Variants in CFAP251 observed in about 807,000 individuals in gnomAD.
CFAP251 encodes cilia- and flagella-associated protein 251.
Under a neutral mutation model 126.7 loss-of-function variants are expected in CFAP251, and 93 were observed. The observed-to-expected ratio is 0.73, with a 90% confidence interval of 0.62 to 0.87. The LOEUF (loss-of-function observed/expected upper bound fraction) is 0.87. Ranked by LOEUF, CFAP251 falls within the 40% of genes least tolerant of loss-of-function variation. The probability of loss-of-function intolerance (pLI) is 0.00; values close to 1 mark genes in which losing one functional copy is unlikely to be tolerated. For missense variants in CFAP251, 1,287 were observed against 1,389.2 expected (o/e 0.93, Z 1.17); for synonymous variants, 503 against 506.9 (o/e 0.99, Z 0.10).
intron 7 of CFAP251, among the ~76,000 whole-genome samples, chr12:121,946,440 A>C (rs933933332): frequency 1.3e-5 from 2 of 152,126 alleles, no homozygotes; most frequent in Admixed American, 1.3e-4. Context: ...AGCAGTTCAT[A>C]TCTTCAAGGA....
chr12:121,962,943 G>A (rs1293110284), intron 15 of CFAP251, among the ~76,000 whole-genome samples: 1 of 152,220 alleles, frequency 6.6e-6, no homozygotes, highest in Admixed American at 6.5e-5. Context: ...AATGGGCAAG[G>A]AGGGGGCATG....
At position 121,947,772 on chromosome 12, in the gene CFAP251, C is replaced by G. The variant is rs1881373822; in HGVS notation, c.1192-1212C>G. The stretch of plus-strand genomic sequence containing the variant: ...AATCAGAGCTTGAGGTCGTTTGAGG[C>G]TGATTTTCAGGCTTTGTGAAGTCTG... On this transcript the variant is annotated intron_variant, in intron 7 of 21. Transcript: ENST00000288912. The G allele has an allele frequency of 2.0e-5, 3 of 152,156 alleles. No individual in the cohort carries two copies. The South Asian group carries it at 6.2e-4, about 31-fold the overall frequency. The allele number at this position is 152,156 out of a possible 1,614,324, so 9.4% of individuals were successfully genotyped here.
At chr12:121,932,701 G>C (rs568796033) in intron 4 of CFAP251, 1 of 152,356 alleles carries the variant, frequency 6.6e-6, no homozygotes, top group South Asian at 2.1e-4. Context: ...ACACCACGAG[G>C]TATTTACCAA....
At chr12:121,977,189 C>T (rs1214732393) in intron 19 of CFAP251, among the ~76,000 whole-genome samples, 4 of 152,132 alleles carry the variant, frequency 2.6e-5, no homozygotes, top group African/African-American at 7.2e-5. Flanking sequence ...TGCGGCTGTA[C>T]TGCATATTGT....
intron 15 of CFAP251, among the ~76,000 whole-genome samples, chr12:121,964,569 T>G (rs867619434): frequency 2.0e-5 from 3 of 152,228 alleles, no homozygotes; most frequent in Admixed American, 6.5e-5. Context: ...TTAAAAATTT[T>G]TATCAAGGTG....
intron 3 of CFAP251, among the ~76,000 whole-genome samples, chr12:121,930,287 G>T (rs899487824): frequency 2.0e-5 from 3 of 152,138 alleles, no homozygotes; most frequent in African/African-American, 4.8e-5. Flanking sequence ...AAGAGATCAA[G>T]ATTATCCTGG....
intron 17 of CFAP251, chr12:121,971,771 T>C (rs1882335516): frequency 1.7e-6 from 1 of 596,932 alleles, no homozygotes. Flanking sequence ...GGTTTGGCTC[T>C]GTGTTCCTAC....
chr12:121,958,097 T>C (rs1433372609), intron 11 of CFAP251, among the ~76,000 whole-genome samples, 175 bp from the exon 12 acceptor site: 1 of 152,252 alleles, frequency 6.6e-6, no homozygotes, highest in Non-Finnish European at 1.5e-5. Flanking sequence ...GTGGGCTTTT[T>C]CACTTGCAAA....
At chr12:121,930,631 C>T (rs570509176) in intron 3 of CFAP251, among the ~76,000 whole-genome samples, 112 of 152,240 alleles carry the variant, frequency 7.4e-4, no homozygotes, top group Non-Finnish European at 1.1e-3. Flanking sequence ...TGGGTTTATT[C>T]CAGGCAATAC....
Position 121,963,232 on chromosome 12 carries a change from C to T in CFAP251, c.2492+1070C>T, listed in dbSNP as rs115350803. ...TTCTGGATATATCCTGCCGGCAAAG[C>T]GAACAGCGTTTGCTAATGGAGGGAA... On this transcript the variant is annotated intron_variant, in intron 15 of 21. Transcript: ENST00000288912. 4.6e-3 allele frequency among the ~76,000 whole-genome samples: 704 copies of T among 152,188 alleles called. 5 individuals carry two copies. The highest frequency in any genetic ancestry group is 0.015 in the African/African-American group (624 of 41,530).
chr12:121,936,520 A>G (rs1880900762), intron 5 of CFAP251, among the ~76,000 whole-genome samples: 1 of 150,196 alleles, frequency 6.7e-6, no homozygotes, highest in African/African-American at 2.5e-5. Flanking sequence ...ATAGTTTGCA[A>G]AGTGCTGGGC....
At chr12:121,963,020 C>T (rs1015694164) in intron 15 of CFAP251, among the ~76,000 whole-genome samples, 3 of 152,020 alleles carry the variant, frequency 2.0e-5, no homozygotes, top group African/African-American at 2.4e-5. Flanking sequence ...GGTTCCTTCC[C>T]GGGTAAGGCG....
intron 21 of CFAP251, among the ~76,000 whole-genome samples, chr12:122,002,414 C>T (rs1273015031): frequency 6.6e-6 from 1 of 152,070 alleles, no homozygotes; most frequent in Non-Finnish European, 1.5e-5. Flanking sequence ...GCGGTGTATG[C>T]TTTTAGTCCC....
chr12:121,991,438 T>A (rs1882872292), intron 19 of CFAP251, among the ~76,000 whole-genome samples: 1 of 152,226 alleles, frequency 6.6e-6, no homozygotes, highest in Non-Finnish European at 1.5e-5. Flanking sequence ...AGAGCAGCAG[T>A]ATTCAAAGTG....
At chr12:121,999,989 C>T (rs1875649175) in intron 20 of CFAP251, 45 bp downstream of exon 20, 1 of 1,542,754 alleles carries the variant, frequency 6.5e-7, no homozygotes, top group Non-Finnish European at 8.9e-7. Context: ...TGGGGCCATT[C>T]CCAGTGTAGA....
rs150994583 is a variant in CFAP251, at chr12:121,994,985, C to T, written c.3007-4731C>T. On this transcript the variant is annotated intron_variant, in intron 19 of 21. Transcript: ENST00000288912. ...AATAAATTAAAAAAAAAATAATAAT[C>T]ACAAGAATAATTACTGTCTGTTGAA... Among the ~76,000 whole-genome samples, 300 of 152,156 alleles carry T rather than the reference C, an allele frequency of 2.0e-3. 5 individuals carry two copies. The East Asian group carries it at 0.035, about 18-fold the overall frequency.
At position 121,923,737 on chromosome 12, in the gene CFAP251, G is replaced by T. The variant is rs772442398; in HGVS notation, c.494G>T (p.Ser165Ile). 4 of 1,614,064 alleles carry T rather than the reference G, an allele frequency of 2.5e-6. No homozygotes were observed. The change falls in exon 3 of 22, where the codon AGT becomes ATT. Residue 165 changes from serine (S) to isoleucine (I), a missense_variant. Physicochemically the swap from Ser to Ile is moderately radical, Grantham distance 142. Transcript: ENST00000288912. ...GAATTTCTTGATTTGGATCAAATCA[G>T]TCCTGAGGAACAACAGATTAGTTCC... ...QIEFLDLDQISPEEQQISSPE... is the reference protein window; with the variant it reads ...QIEFLDLDQIIPEEQQISSPE...
chr12:122,003,522 A>G, intron 21 of CFAP251, 130 bp from the exon 22 acceptor site: 3 of 632,304 alleles, frequency 4.7e-6, no homozygotes, highest in Non-Finnish European at 8.2e-6. Flanking sequence ...GCAGTGAGCT[A>G]TGATCGTGTC....
intron 17 of CFAP251, chr12:121,971,602 C>G (rs992509824): frequency 1.4e-6 from 1 of 702,802 alleles, no homozygotes; most frequent in African/African-American, 1.7e-5. Context: ...TCAGACACAT[C>G]AAGAAGCTAA....
Sources: allele counts gnomAD v4.1 joint callset (sites outside exome capture counted in the v4.1 genomes callset), GRCh38; gene constraint gnomAD v4.1.1; transcripts MANE v1.5; gene names NCBI Gene and HGNC (gene_info 2026-07-23, HGNC 2026-07-21).